Variants in KIAA1671 observed in about 807,000 individuals in gnomAD.
KIAA1671 encodes KIAA1671.
KIAA1671 carries 52 observed loss-of-function variants against 131.2 expected under a neutral mutation model. The observed-to-expected ratio is 0.40, with a 90% CI of 0.32 to 0.50. The LOEUF (loss-of-function observed/expected upper bound fraction) is 0.50. Among genes scored for constraint, KIAA1671 ranks in the 20% least tolerant of loss-of-function variants. The pLI, the probability that KIAA1671 is intolerant of heterozygous loss-of-function variation, is 0.73. For synonymous variants in KIAA1671, 1,003 were observed against 961.6 expected (o/e 1.04, Z -0.80); for missense variants, 2,360 against 2,364.2 (o/e 1.00, Z 0.04).
At chr22:25,072,030 G>A (rs1928856813) in intron 6 of KIAA1671, among the ~76,000 whole-genome samples, 1 of 152,196 alleles carries the variant, frequency 6.6e-6, no homozygotes. Flanking sequence ...GCTGAGTGCT[G>A]GAGGATGCCT....
chr22:25,062,696 C>T (rs900308312), intron 6 of KIAA1671: 3 of 152,416 alleles, frequency 2.0e-5, no homozygotes, highest in African/African-American at 7.2e-5. Flanking sequence ...CCCATCTACC[C>T]CATCTGCCCC....
chr22:25,087,596 C>G (rs1244572376), intron 6 of KIAA1671, among the ~76,000 whole-genome samples: 3 of 152,114 alleles, frequency 2.0e-5, no homozygotes, highest in Non-Finnish European at 2.9e-5. Context: ...AAAAACCAAC[C>G]AACCAACCAA....
chr22:25,068,050 C>T (rs554063663), intron 6 of KIAA1671, among the ~76,000 whole-genome samples: 1 of 152,374 alleles, frequency 6.6e-6, no homozygotes, highest in East Asian at 1.9e-4. Flanking sequence ...GTCAGCAGGA[C>T]CCAGTGCTCT....
chr22:25,157,188 A>G (rs2145987831), intron 6 of KIAA1671, among the ~76,000 whole-genome samples: 1 of 152,314 alleles, frequency 6.6e-6, no homozygotes. Context: ...TTTTTATATC[A>G]CTAGCCACAA....
chr22:25,052,439 G>A lies in KIAA1671; in HGVS notation c.4530+3075G>A, dbSNP rs373349515. ...CTTTTCCTCCTCTATAAAGTGGATA[G>A]TGATAGCAATAACAAAGCCTAACAC... On this transcript the variant is annotated intron_variant, in intron 6 of 12. Transcript: ENST00000358431. The A allele has an allele frequency of 9.2e-5, 14 of 152,326 alleles. No individual in the cohort carries two copies. In the East Asian group the frequency reaches 2.7e-3, roughly 29 times the overall value. 9.4% of individuals were successfully genotyped at this position (152,326 alleles called of 1,614,324 possible).
chr22:25,194,800 C>T lies in KIAA1671; in HGVS notation c.*2399C>T, dbSNP rs2877270. ...GACAATCACAGTGGGTCAAGAGCGA[C>T]CCTCTTTCACGTGGGCTCTGCCATG... is the stretch of plus-strand genomic sequence containing the variant. On this transcript the variant is annotated 3_prime_UTR_variant, in exon 13 of 13. Coordinates refer to ENST00000358431, the MANE Select transcript of KIAA1671 (RefSeq NM_001145206.2). 1 of 86,528 alleles carries T rather than the reference C, an allele frequency of 1.2e-5. No homozygotes were observed. Among genetic ancestry groups the T allele is most frequent in the Non-Finnish European group, 3.1e-5 (1 of 32,240 alleles). 5.4% of individuals were successfully genotyped at this position (86,528 alleles called of 1,614,324 possible).
At chr22:24,987,099 A>G (rs1489079733) in intron 1 of KIAA1671, among the ~76,000 whole-genome samples, 2 of 151,424 alleles carry the variant, frequency 1.3e-5, no homozygotes, top group African/African-American at 4.9e-5. Context: ...TTTGATTTTT[A>G]TATGATTTTT....
chr22:24,967,837 C>T (rs967725098), intron 1 of KIAA1671, among the ~76,000 whole-genome samples: 9 of 152,166 alleles, frequency 5.9e-5, no homozygotes, highest in Non-Finnish European at 1.0e-4. Flanking sequence ...CTAAAAAATA[C>T]AAAAATTTAG....
At chr22:25,172,048 AC>A (rs772338321) in intron 7 of KIAA1671, among the ~76,000 whole-genome samples, 8 of 151,856 alleles carry the variant, frequency 5.3e-5, no homozygotes, top group Non-Finnish European at 8.8e-5. Context: ...AAGGTTTTTT[AC>A]AGTGCCCGAG....
At chr22:25,103,212 C>CTTTTT (rs10631725) in intron 6 of KIAA1671, among the ~76,000 whole-genome samples, 3 of 140,352 alleles carry the variant, frequency 2.1e-5, no homozygotes, top group Non-Finnish European at 3.1e-5. Flanking sequence ...CCCCAACCGC[C>CTTTTT]TTTTTTTTTT....
Position 25,194,133 on chromosome 22 carries a change from A to T in KIAA1671, c.*1732A>T, listed in dbSNP as rs546163208. 1 of 152,088 alleles carries T rather than the reference A, an allele frequency of 6.6e-6. No homozygotes were observed. Among genetic ancestry groups the T allele is most frequent in the East Asian group, 1.9e-4 (1 of 5,194 alleles). 9.4% of individuals were successfully genotyped at this position (152,088 alleles called of 1,614,324 possible). A position where few individuals can be genotyped will look rare whatever the true frequency, so the allele number is the denominator to read the frequency against. ...GGTCTTACTCTGTTGCTCAAGCTGG[A>T]GTGGAGTGGCACGATCATAGCTCAC... On this transcript the variant is annotated 3_prime_UTR_variant, in exon 13 of 13. Transcript: ENST00000358431.
chr22:25,040,737 G>T lies in KIAA1671; in HGVS notation c.3607G>T (p.Ala1203Ser), dbSNP rs1053488098. Reference protein sequence around the residue: ...GYRSSVLDIDALMAEYQELSL... With the variant: ...GYRSSVLDIDSLMAEYQELSL... ...CAGATCCAGCGTTCTTGACATTGACGCCCTGATGGCAGAGTACCAGGAGCT... is the reference window on the plus strand; with the variant it reads ...CAGATCCAGCGTTCTTGACATTGACTCCCTGATGGCAGAGTACCAGGAGCT... The change falls in exon 5 of 13, where the codon GCC becomes TCC. Residue 1203 changes from alanine to serine, a missense_variant. Around this residue, in one of 3 missense-constraint regions of KIAA1671, gnomAD observed 1,161 missense variants for 1,204.7 expected, o/e 0.96. Transcript: ENST00000358431. 1.7e-5 allele frequency: 27 copies of T among 1,551,782 alleles called. No homozygotes were observed. In the Middle Eastern group the frequency reaches 6.6e-4, roughly 38 times the overall value.
intron 1 of KIAA1671, among the ~76,000 whole-genome samples, chr22:24,980,676 A>G (rs113625127): frequency 0.032 from 4,807 of 152,166 alleles, 268 homozygotes; most frequent in African/African-American, 0.11. Context: ...TGGCTACACT[A>G]TTTTATATTC....
chr22:24,967,793 C>A (rs936106196), intron 1 of KIAA1671, among the ~76,000 whole-genome samples: 1 of 152,280 alleles, frequency 6.6e-6, no homozygotes, highest in African/African-American at 2.4e-5. Flanking sequence ...GAGATCGAGA[C>A]CATCCTGGCT....
At chr22:25,082,693 C>T (rs964289282) in intron 6 of KIAA1671, among the ~76,000 whole-genome samples, 3 of 152,070 alleles carry the variant, frequency 2.0e-5, no homozygotes, top group Non-Finnish European at 2.9e-5. Context: ...ATTAGCTGGG[C>T]GTGGAGGTGC....
intron 1 of KIAA1671, chr22:25,010,457 A>C (rs1384788383): frequency 6.6e-6 from 1 of 152,226 alleles, no homozygotes; most frequent in Non-Finnish European, 1.5e-5. Context: ...CTGGGATTAC[A>C]GGCATCACCC....
At chr22:25,051,055 G>C (rs1027493829) in intron 6 of KIAA1671, 1 of 152,310 alleles carries the variant, frequency 6.6e-6, no homozygotes, top group Non-Finnish European at 1.5e-5. Context: ...TGGAGTCCTC[G>C]GGCAGCTTGC....
chr22:25,184,121 AT>A (rs1404440466), intron 10 of KIAA1671, among the ~76,000 whole-genome samples: 2 of 152,248 alleles, frequency 1.3e-5, no homozygotes, highest in Non-Finnish European at 2.9e-5. Context: ...CTAGGCGATT[AT>A]TAACAACCAG....
chr22:25,014,700 T>C (rs967774017), intron 1 of KIAA1671: 5 of 152,228 alleles, frequency 3.3e-5, no homozygotes, highest in African/African-American at 1.2e-4. Flanking sequence ...CCACCACACC[T>C]GGCTGGATTT....
Sources: allele counts gnomAD v4.1 joint callset (sites outside exome capture counted in the v4.1 genomes callset), GRCh38; gene constraint gnomAD v4.1.1; regional missense constraint gnomAD v4.1.1; transcripts MANE v1.5; gene names NCBI Gene and HGNC (gene_info 2026-07-23, HGNC 2026-07-21).